PRPF18: variants seen among roughly 807,000 people sequenced by gnomAD.
PRPF18 encodes pre-mRNA-splicing factor 18.
Under a neutral mutation model 46.5 loss-of-function variants are expected in PRPF18, and 38 were observed. The ratio of observed to expected loss-of-function variants is 0.82; its 90% CI spans 0.63 to 1.07. PRPF18 has a LOEUF of 1.07. Ranked by LOEUF, PRPF18 falls within the 50% of genes least tolerant of loss-of-function variation. PRPF18 has a pLI of 0.00. For synonymous variants in PRPF18, 152 were observed against 146.7 expected, an observed-to-expected ratio of 1.04 and a Z score of -0.26; for missense variants, 263 against 410.0, an observed-to-expected ratio of 0.64 and a Z score of 3.10.
At chr10:13,633,576 C>G (rs932639834), downstream of PRPF18, among the ~76,000 whole-genome samples, 1 of 152,138 alleles carries the variant, frequency 6.6e-6, no homozygotes, top group Admixed American at 6.5e-5. Flanking sequence ...TGTACCCCCG[C>G]CTACCCTGCC....
At chr10:13,640,751 C>G in the PRPF18 span, 1 of 152,558 alleles carries the variant, frequency 6.6e-6, no homozygotes, top group Admixed American at 6.5e-5. Context: ...TTTTGTTGTC[C>G]TGCCACACCT....
At chr10:13,637,261 A>T in the PRPF18 span, 1 of 152,196 alleles carries the variant, frequency 6.6e-6, no homozygotes, top group Non-Finnish European at 1.5e-5. Context: ...TTTCCAAAGG[A>T]AAACCTTATA....
At chr10:13,608,689 T>C (rs1382873536) in intron 4 of PRPF18, among the ~76,000 whole-genome samples, 1 of 152,226 alleles carries the variant, frequency 6.6e-6, no homozygotes, top group Non-Finnish European at 1.5e-5. Flanking sequence ...TTTGTTAGTG[T>C]ACTTACTGTT....
chr10:13,609,130 C>T (rs1392817751), intron 4 of PRPF18, among the ~76,000 whole-genome samples: 1 of 152,200 alleles, frequency 6.6e-6, no homozygotes, highest in Admixed American at 6.5e-5. Context: ...TAGGAGTTAA[C>T]ATTGGTTGAA....
chr10:13,644,762 G>A, the PRPF18 span: 1 of 151,892 alleles, frequency 6.6e-6, no homozygotes, highest in Non-Finnish European at 1.5e-5. Flanking sequence ...AAAGAAAAAT[G>A]GCCCAATGTA....
At chr10:13,637,083 G>C in the PRPF18 span, 2 of 111,834 alleles carry the variant, frequency 1.8e-5, no homozygotes, top group Non-Finnish European at 4.4e-5. Flanking sequence ...TTATTCTACT[G>C]ATGATGGACA....
chr10:13,621,315 G>A (rs2080416754), intron 9 of PRPF18, among the ~76,000 whole-genome samples: 1 of 152,212 alleles, frequency 6.6e-6, no homozygotes, highest in Non-Finnish European at 1.5e-5. Context: ...ACTGGAGCAG[G>A]CGATGAGAGG....
intron 1 of PRPF18, among the ~76,000 whole-genome samples, chr10:13,592,843 C>T (rs1438446095): frequency 6.6e-6 from 1 of 152,204 alleles, no homozygotes; most frequent in East Asian, 1.9e-4. Context: ...CTGCATCTTT[C>T]CTATATGCAA....
the PRPF18 span, among the ~76,000 whole-genome samples, chr10:13,637,457 T>C: frequency 1.3e-5 from 2 of 152,268 alleles, no homozygotes; most frequent in African/African-American, 2.4e-5. Flanking sequence ...ATATGTTTAA[T>C]GGCCATTTGG....
intron 1 of PRPF18, chr10:13,592,234 A>C: frequency 5.3e-6 from 3 of 560,770 alleles, no homozygotes; most frequent in Non-Finnish European, 1.0e-5. Context: ...CCTTGAGGTG[A>C]CCCTTTTTCA....
chr10:13,635,053 G>A (rs1467454440), downstream of PRPF18, among the ~76,000 whole-genome samples: 2 of 151,916 alleles, frequency 1.3e-5, no homozygotes, highest in Admixed American at 6.6e-5. Flanking sequence ...CCTCCCACCC[G>A]CCATCCTCCA....
downstream of PRPF18, among the ~76,000 whole-genome samples, chr10:13,634,198 T>C (rs767389889): frequency 3.1e-4 from 47 of 152,188 alleles, no homozygotes; most frequent in Non-Finnish European, 6.3e-4. Context: ...TATTTATTTT[T>C]CCCCCATTGT....
intron 9 of PRPF18, among the ~76,000 whole-genome samples, chr10:13,623,027 T>A (rs971202862): frequency 1.3e-5 from 2 of 151,672 alleles, no homozygotes; most frequent in Non-Finnish European, 2.9e-5. Context: ...TGAAACCCCG[T>A]CTCTACTAAA....
rs34162273 is a variant in PRPF18 at position 13,606,733 on chromosome 10, C to CAAAAAAAAAA, written c.363+1005_363+1014dup. ...CTGGCGACAGAGTGAGACTCCTTCTCAAAAAAAAAAAAAAAAAAAAAAAAA... is the reference window on the plus strand; with the variant it reads ...CTGGCGACAGAGTGAGACTCCTTCTCAAAAAAAAAAAAAAAAAAAAAAAAAAAAAAAAAAA... On this transcript the variant is annotated intron_variant, in intron 4 of 9. Transcript: ENST00000378572. Among the ~76,000 whole-genome samples, 33 of 73,010 alleles carry CAAAAAAAAAA rather than the reference C, an allele frequency of 4.5e-4. 1 individual carries two copies. Among genetic ancestry groups the CAAAAAAAAAA allele is most frequent in the Non-Finnish European group, 4.0e-4 (16 of 39,856 alleles). 47.9% of individuals were successfully genotyped at this position (73,010 alleles called of 152,430 possible).
At chr10:13,601,498 CCT>C (rs2080109150) in intron 3 of PRPF18, among the ~76,000 whole-genome samples, 1 of 152,208 alleles carries the variant, frequency 6.6e-6, no homozygotes, top group Non-Finnish European at 1.5e-5. Flanking sequence ...TCCCACTCCC[CCT>C]GTGCCCCGAT....
At chr10:13,619,851 G>GA (rs531267954) in intron 9 of PRPF18, among the ~76,000 whole-genome samples, 51 of 150,728 alleles carry the variant, frequency 3.4e-4, no homozygotes, top group African/African-American at 1.2e-3. Context: ...CTTGGTTTTT[G>GA]AAAAAAAAGT....
chr10:13,614,784 A>C (rs1159467482), intron 8 of PRPF18, among the ~76,000 whole-genome samples: 1 of 151,738 alleles, frequency 6.6e-6, no homozygotes, highest in East Asian at 1.9e-4. Flanking sequence ...CAAGAAGGGA[A>C]GGGCCCAATG....
chr10:13,626,165 A>G (rs2080501564), intron 9 of PRPF18, among the ~76,000 whole-genome samples: 1 of 152,192 alleles, frequency 6.6e-6, no homozygotes, highest in African/African-American at 2.4e-5. Flanking sequence ...AAGAGCTGAG[A>G]TCCACCACAG....
the PRPF18 span, among the ~76,000 whole-genome samples, chr10:13,638,318 T>TTA: frequency 2.0e-4 from 30 of 151,108 alleles, no homozygotes; most frequent in African/African-American, 7.3e-4. Context: ...TTTTTTTTTT[T>TTA]ATGGCATCAT....
Sources: gnomAD v4.1 joint callset for allele counts (sites outside exome capture counted in the v4.1 genomes callset) on GRCh38, gnomAD v4.1.1 for gene constraint, MANE v1.5 for transcripts, NCBI Gene and HGNC (gene_info 2026-07-23, HGNC 2026-07-21) for gene names.